Variants in ATP2B1 observed in about 807,000 individuals in gnomAD.
ATP2B1 encodes ATPase plasma membrane Ca2+ transporting 1, also known as plasma membrane calcium-transporting ATPase 1.
Under a neutral mutation model 124.2 loss-of-function variants are expected in ATP2B1, and 14 were observed. The observed-to-expected ratio is 0.11, with a 90% CI of 0.07 to 0.18. The LOEUF is 0.18. ATP2B1 is among the 10% of genes least tolerant of loss of function. The pLI is 1.00. For synonymous variants in ATP2B1, 449 were observed against 492.4 expected (o/e 0.91, Z 1.17); for missense variants, 763 against 1,466.1 (o/e 0.52, Z 7.83).
intron 1 of ATP2B1, among the ~76,000 whole-genome samples, chr12:89,695,919 T>G (rs1238434351): frequency 1.3e-5 from 2 of 152,212 alleles, no homozygotes; most frequent in Non-Finnish European, 2.9e-5. Context: ...AAACAGTATC[T>G]GTGATAAATT....
At chr12:89,665,138 A>C (rs1887158242) in intron 1 of ATP2B1, among the ~76,000 whole-genome samples, 1 of 152,188 alleles carries the variant, frequency 6.6e-6, no homozygotes, top group South Asian at 2.1e-4. Flanking sequence ...CTATTATGCT[A>C]TTCTTGATGT....
chr12:89,673,357 C>T lies in ATP2B1; in HGVS notation c.-221-17250G>A, dbSNP rs532478997. ...CTACTGTTTCACAGAATAATATATG[C>T]GCTCTCGTCTTTCCTATTTCAAAGT... On this transcript the variant is annotated intron_variant, in intron 1 of 20. Transcript: ENST00000428670. Among the ~76,000 whole-genome samples the T allele has an allele frequency of 3.3e-5, 5 of 152,260 alleles. No homozygotes were observed. The South Asian group carries it at 8.3e-4, about 25-fold the overall frequency.
At chr12:89,658,434 G>A (rs1324908594) in intron 1 of ATP2B1, among the ~76,000 whole-genome samples, 1 of 152,204 alleles carries the variant, frequency 6.6e-6, no homozygotes, top group Admixed American at 6.5e-5. Flanking sequence ...TACTGGAGTA[G>A]AGGTAAATAA....
At chr12:89,636,723 G>T (rs1470466242) in intron 3 of ATP2B1, among the ~76,000 whole-genome samples, 1 of 152,136 alleles carries the variant, frequency 6.6e-6, no homozygotes, top group Non-Finnish European at 1.5e-5. Context: ...GGATGAAATG[G>T]AAGACTTGAC....
At position 89,634,988 on chromosome 12, in the gene ATP2B1, CT is replaced by C; in HGVS notation, c.661+8del. 6.2e-7 allele frequency: 1 copy of C among 1,613,234 alleles called. No individual in the cohort carries two copies. Among genetic ancestry groups the C allele is most frequent in the South Asian group, 1.1e-5 (1 of 91,052 alleles). Reference sequence around the variant, plus strand: ...AGTGTCAGATGTACTGCTCTTTTTACTTACTTACCATATTTCACTTGAGCAA... The same window carrying C: ...AGTGTCAGATGTACTGCTCTTTTTACTACTTACCATATTTCACTTGAGCAA... On this transcript the variant is annotated splice_region_variant and intron_variant, in intron 4 of 20. Transcript: ENST00000428670.
intron 1 of ATP2B1, among the ~76,000 whole-genome samples, chr12:89,693,377 C>T (rs901887737): frequency 3.3e-5 from 5 of 152,176 alleles, no homozygotes; most frequent in Non-Finnish European, 7.3e-5. Context: ...CAGAGTTTAA[C>T]TGGACACATT....
chr12:89,634,977 TG>T lies in ATP2B1; in HGVS notation c.661+19del. Reference sequence around the variant, plus strand: ...ATTTTATGTTTAGTGTCAGATGTACTGCTCTTTTTACTTACTTACCATATTT... The same window carrying T: ...ATTTTATGTTTAGTGTCAGATGTACTCTCTTTTTACTTACTTACCATATTT... On this transcript the variant is annotated intron_variant, in intron 4 of 20. Coordinates refer to ENST00000428670, the MANE Select transcript of ATP2B1 (RefSeq NM_001366521.1). 1 of 1,613,112 alleles carries T rather than the reference TG, an allele frequency of 6.2e-7. No individual in the cohort carries two copies. The highest frequency in any genetic ancestry group is 1.3e-5 in the African/African-American group (1 of 75,004).
chr12:89,639,332 C>T (rs1200821761), intron 3 of ATP2B1, among the ~76,000 whole-genome samples: 5 of 152,052 alleles, frequency 3.3e-5, no homozygotes, highest in South Asian at 4.2e-4. Flanking sequence ...GGTGAAACCC[C>T]GTGTCTACTA....
chr12:89,648,270 C>A (rs1262334117), intron 2 of ATP2B1, among the ~76,000 whole-genome samples: 2 of 152,166 alleles, frequency 1.3e-5, no homozygotes, highest in Non-Finnish European at 2.9e-5. Context: ...TTAAACGGTT[C>A]TGACCAAAAT....
intron 3 of ATP2B1, among the ~76,000 whole-genome samples, chr12:89,639,705 G>A (rs1212752486): frequency 2.6e-5 from 4 of 151,928 alleles, no homozygotes; most frequent in South Asian, 4.2e-4. Flanking sequence ...TTAGAACACC[G>A]ACAGCTCTAG....
chr12:89,660,003 A>G (rs528364780), intron 1 of ATP2B1, among the ~76,000 whole-genome samples: 1 of 152,184 alleles, frequency 6.6e-6, no homozygotes, highest in Admixed American at 6.5e-5. Flanking sequence ...GAAAAACTAA[A>G]TAAATATAAG....
rs1209009268 is a variant in ATP2B1, at chr12:89,627,665, C to T, written c.967+13G>A. 1.2e-6 allele frequency: 2 copies of T among 1,612,834 alleles called. No homozygotes were observed. Among genetic ancestry groups the T allele is most frequent in the Non-Finnish European group, 1.7e-6 (2 of 1,179,288 alleles). ...AAAACAAGCTCACTGTACTTTTGTC[C>T]TCCTAAATTTACCTTTGTTGCGATT... On this transcript the variant is annotated intron_variant, in intron 7 of 20. Transcript: ENST00000428670.
At chr12:89,687,253 A>C (rs1412036092) in intron 1 of ATP2B1, among the ~76,000 whole-genome samples, 20 of 152,118 alleles carry the variant, frequency 1.3e-4, no homozygotes, top group Admixed American at 1.3e-3. Flanking sequence ...TTTTATGTTT[A>C]GATACACAAA....
chr12:89,668,123 AAAC>A (rs1565893662), intron 1 of ATP2B1, among the ~76,000 whole-genome samples: 2 of 152,124 alleles, frequency 1.3e-5, no homozygotes, highest in African/African-American at 4.8e-5. Context: ...GAACACAGGA[AAAC>A]AAGAAGGCAA....
chr12:89,611,178 A>G lies in ATP2B1; in HGVS notation c.2247+15T>C, dbSNP rs909194096. On this transcript the variant is annotated intron_variant, in intron 13 of 20. Coordinates refer to ENST00000428670, the MANE Select transcript of ATP2B1 (RefSeq NM_001366521.1). ...ACATCTGTCAACCAAAAACAAAATA[A>G]TAATAAATCTTTACCTCTCCTTTTT... The G allele has an allele frequency of 5.7e-6, 9 of 1,567,348 alleles. No homozygotes were observed. Among genetic ancestry groups the G allele is most frequent in the African/African-American group, 1.4e-5 (1 of 72,478 alleles).
chr12:89,616,680 C>T (rs1216919607), intron 12 of ATP2B1, 122 bp downstream of exon 12: 10 of 863,612 alleles, frequency 1.2e-5, no homozygotes, highest in Non-Finnish European at 1.1e-5. Context: ...ATCTTGGGTT[C>T]ACACAGAAAA....
At chr12:89,643,427 T>G (rs980908590) in intron 2 of ATP2B1, among the ~76,000 whole-genome samples, 6 of 152,180 alleles carry the variant, frequency 3.9e-5, no homozygotes, top group Non-Finnish European at 8.8e-5. Flanking sequence ...AAAATGTCTC[T>G]GTTATACTTC....
chr12:89,604,037 A>G, intron 16 of ATP2B1, 112 bp from the exon 17 acceptor site: 1 of 1,397,274 alleles, frequency 7.2e-7, no homozygotes, highest in Non-Finnish European at 9.7e-7. Flanking sequence ...TTATATTTTT[A>G]TATTAACTAA....
intron 1 of ATP2B1, among the ~76,000 whole-genome samples, chr12:89,666,765 G>A (rs1887359657): frequency 6.6e-6 from 1 of 152,040 alleles, no homozygotes; most frequent in Admixed American, 6.6e-5. Flanking sequence ...CTAACTTCCT[G>A]TCATGTTCCT....
Sources: allele counts gnomAD v4.1 joint callset (sites outside exome capture counted in the v4.1 genomes callset), GRCh38; gene constraint gnomAD v4.1.1; transcripts MANE v1.5; gene names NCBI Gene and HGNC (gene_info 2026-07-23, HGNC 2026-07-21).